Variants in DNAJC13 observed in about 807,000 individuals in gnomAD.
The protein encoded by DNAJC13 is DnaJ heat shock protein family (Hsp40) member C13.
Under a neutral mutation model 290.5 loss-of-function variants are expected in DNAJC13, and 75 were observed. The observed-to-expected ratio is 0.26, with a 90% CI of 0.21 to 0.31. The LOEUF (loss-of-function observed/expected upper bound fraction) is 0.31. Ranked by LOEUF, DNAJC13 falls within the 10% of genes least tolerant of loss-of-function variation. The pLI, the probability that DNAJC13 is intolerant of heterozygous loss-of-function variation, is 1.00. For synonymous variants in DNAJC13, 862 were observed against 892.0 expected, an observed-to-expected ratio of 0.97 and a Z score of 0.60; for missense variants, 2,260 against 2,674.5, an observed-to-expected ratio of 0.85 and a Z score of 3.42.
intron 25 of DNAJC13, 77 bp downstream of exon 25, chr3:132,479,366 A>T: frequency 9.8e-7 from 1 of 1,020,752 alleles, no homozygotes; most frequent in Non-Finnish European, 1.5e-6. Context: ...GTTTGAGTTG[A>T]TTATCCAGGG....
rs34122338 is a variant in DNAJC13, at chr3:132,503,198, A to AT, written c.4717-8dup. On this transcript the variant is annotated splice_polypyrimidine_tract_variant and intron_variant, in intron 40 of 55. Coordinates refer to ENST00000260818, the MANE Select transcript of DNAJC13 (RefSeq NM_015268.4). ...ATAACAGATCTACTTTAACAACTTA[A>AT]TTTTTTTTATAACAGGAGGTAGCAA... 4.1e-4 allele frequency: 660 copies of AT among 1,610,606 alleles called. 6 individuals carry two copies. The highest frequency in any genetic ancestry group is 7.7e-5 in the Non-Finnish European group (91 of 1,178,394).
At chr3:132,476,123 G>A (rs746214867) in intron 22 of DNAJC13, among the ~76,000 whole-genome samples, 6 of 151,946 alleles carry the variant, frequency 3.9e-5, no homozygotes, top group Non-Finnish European at 8.8e-5. Context: ...TTATGGAGAC[G>A]AGGTTTCACC....
Position 132,446,500 on chromosome 3 carries a change from A to C in DNAJC13, c.94A>C (p.Thr32Pro). 1 of 1,608,694 alleles carries C rather than the reference A, an allele frequency of 6.2e-7. No homozygotes were observed. Residue 32 changes from threonine to proline, a missense_variant, in exon 3 of 56, where the codon ACT becomes CCT. Transcript: ENST00000260818. Reference protein sequence around the residue: ...GKYKRVFSVGTHAITTYNPNT... With the variant: ...GKYKRVFSVGPHAITTYNPNT... Reference sequence around the variant, plus strand: ...GTATAAGCGTGTCTTTTCAGTTGGAACTCATGCGATTACTACATATAATCC... The same window carrying C: ...GTATAAGCGTGTCTTTTCAGTTGGACCTCATGCGATTACTACATATAATCC...
intron 20 of DNAJC13, chr3:132,472,422 G>A (rs1436705623): frequency 1.2e-5 from 4 of 345,380 alleles, no homozygotes; most frequent in African/African-American, 2.2e-5. Context: ...CAGGCTTAGA[G>A]AAGCAGGTGC....
In DNAJC13 at chr3:132,531,149, A is replaced by G. The variant is rs776647379; in HGVS notation, c.6625+52A>G. The stretch of plus-strand genomic sequence containing the variant: ...AAGACACCTGGCAGAAGCCACTTGG[A>G]CCTTCCTTTTGCCCTAAATAGACTT... On this transcript the variant is annotated intron_variant, in intron 55 of 55. Transcript: ENST00000260818. The G allele has an allele frequency of 3.3e-6, 5 of 1,510,486 alleles. No individual in the cohort carries two copies. In the South Asian group the frequency reaches 5.7e-5, roughly 17 times the overall value. The allele number at this position is 1,510,486 out of a possible 1,614,324, so 93.6% of individuals were successfully genotyped here. A position where few individuals can be genotyped will look rare whatever the true frequency, so the allele number is the denominator to read the frequency against.
intron 51 of DNAJC13, 89 bp from the exon 52 acceptor site, chr3:132,525,521 C>A: frequency 7.4e-7 from 1 of 1,346,958 alleles, no homozygotes; most frequent in Non-Finnish European, 1.0e-6. Context: ...CTTTTGAATC[C>A]CTAGTTTTGA....
intron 55 of DNAJC13, among the ~76,000 whole-genome samples, chr3:132,531,878 G>A (rs969830029): frequency 1.6e-4 from 25 of 152,124 alleles, no homozygotes; most frequent in African/African-American, 5.6e-4. Flanking sequence ...GTCGTTTTAT[G>A]GGGGTGGAAT....
intron 46 of DNAJC13, among the ~76,000 whole-genome samples, chr3:132,514,979 A>G (rs1343769928): frequency 2.6e-5 from 4 of 152,178 alleles, no homozygotes; most frequent in Non-Finnish European, 5.9e-5. Flanking sequence ...ACTAAACATA[A>G]GTAATCTTGG....
intron 29 of DNAJC13, among the ~76,000 whole-genome samples, chr3:132,486,267 T>C (rs1934873871): frequency 6.6e-6 from 1 of 151,996 alleles, no homozygotes; most frequent in African/African-American, 2.4e-5. Flanking sequence ...TGTGGCTGCA[T>C]ATGTGAGGTG....
chr3:132,531,665 C>T (rs550862631), intron 55 of DNAJC13, among the ~76,000 whole-genome samples: 6 of 152,032 alleles, frequency 3.9e-5, no homozygotes, highest in South Asian at 4.2e-4. Flanking sequence ...GGCGTGGTGG[C>T]GGGCACCTGT....
At chr3:132,536,047 C>G (rs72996111) in intron 55 of DNAJC13, among the ~76,000 whole-genome samples, 4,909 of 152,256 alleles carry the variant, frequency 0.032, 260 homozygotes, top group African/African-American at 0.11. Flanking sequence ...CTCAGAGGTT[C>G]CCACATTTTC....
chr3:132,461,695 T>A (rs1933803395), intron 15 of DNAJC13, among the ~76,000 whole-genome samples: 1 of 152,106 alleles, frequency 6.6e-6, no homozygotes, highest in Admixed American at 6.6e-5. Context: ...TTTATTTTAT[T>A]TTATTTATTT....
At chr3:132,534,595 G>C (rs1936534504) in intron 55 of DNAJC13, among the ~76,000 whole-genome samples, 1 of 152,082 alleles carries the variant, frequency 6.6e-6, no homozygotes, top group African/African-American at 2.4e-5. Flanking sequence ...CAGGTGAGCT[G>C]AGCTCTCACC....
At chr3:132,480,516 A>G (rs1934632906) in intron 26 of DNAJC13, 46 bp downstream of exon 26, 1 of 1,378,582 alleles carries the variant, frequency 7.3e-7, no homozygotes, top group Non-Finnish European at 1.0e-6. Flanking sequence ...TTCTTTGAGT[A>G]TAATTTTAGA....
intron 20 of DNAJC13, chr3:132,472,623 G>A (rs1032422451): frequency 9.3e-5 from 91 of 979,642 alleles, no homozygotes; most frequent in Non-Finnish European, 1.1e-4. Flanking sequence ...TGCCTGGCAT[G>A]TGGAGTCATC....
chr3:132,447,997 A>G (rs1158001264), intron 5 of DNAJC13, 58 bp downstream of exon 5: 2 of 1,216,842 alleles, frequency 1.6e-6, no homozygotes, highest in South Asian at 1.3e-5. Context: ...CCTTTATTGT[A>G]GAAATCATTT....
intron 48 of DNAJC13, among the ~76,000 whole-genome samples, chr3:132,521,627 T>C (rs1936092954): frequency 6.6e-6 from 1 of 152,194 alleles, no homozygotes. Context: ...TAGGGGCAGA[T>C]ATACCACAGT....
At chr3:132,516,367 A>T (rs1935919396) in intron 46 of DNAJC13, 55 bp from the exon 47 acceptor site, 1 of 1,553,958 alleles carries the variant, frequency 6.4e-7, no homozygotes, top group South Asian at 1.1e-5. Flanking sequence ...GCTGGTGCCA[A>T]GTAAATATAA....
Position 132,496,626 on chromosome 3 carries a change from A to G in DNAJC13, c.4119A>G (p.Leu1373=), listed in dbSNP as rs200523609. ...GPDPENIILI[L]KTQSILFNRH... ...ATCCAGAGAATATAATTTTAATTCT[A>G]AAAACACAGAGCATCCTCTTCAACC... The change falls in exon 36 of 56, where the codon CTA becomes CTG. Residue 1373 remains leucine (L), a synonymous_variant. Transcript: ENST00000260818. The G allele has an allele frequency of 6.2e-7, 1 of 1,611,156 alleles. No homozygotes were observed. The highest frequency in any genetic ancestry group is 1.3e-5 in the African/African-American group (1 of 74,938).
Sources: allele counts gnomAD v4.1 joint callset (sites outside exome capture counted in the v4.1 genomes callset), GRCh38; gene constraint gnomAD v4.1.1; transcripts MANE v1.5; gene names NCBI Gene and HGNC (gene_info 2026-07-23, HGNC 2026-07-21).